P2RY8: variants seen among roughly 807,000 people sequenced by gnomAD.
P2RY8 encodes the protein S-geranylgeranyl-glutathione receptor P2RY8.
P2RY8 carries 6 observed loss-of-function variants against 10.0 expected under a neutral mutation model. The observed-to-expected ratio is 0.60, with a 90% CI of 0.33 to 1.19. The LOEUF (loss-of-function observed/expected upper bound fraction) is 1.19, where lower values mean the gene tolerates loss of function less well. P2RY8 is among the 50% of genes most tolerant of loss of function. The pLI is 0.04. For missense variants in P2RY8, 456 were observed against 542.0 expected (o/e 0.84, Z 1.58); for synonymous variants, 276 against 252.5 (o/e 1.09, Z -0.88).
chrX:1,520,492 AT>A (rs2092383230), intron 1 of P2RY8, among the ~76,000 whole-genome samples: 1 of 142,884 alleles, frequency 7.0e-6, no homozygotes, highest in Non-Finnish European at 1.5e-5. Flanking sequence ...AATCTCCCTG[AT>A]CCCCAATATT....
intron 1 of P2RY8, among the ~76,000 whole-genome samples, chrX:1,500,019 C>G (rs185491614): frequency 1.0e-5 from 1 of 98,438 alleles, no homozygotes; most frequent in Non-Finnish European, 2.5e-5. Flanking sequence ...CCACCATGCC[C>G]AGCTAATTTT....
At chrX:1,535,033 G>A (rs117366366) in intron 1 of P2RY8, among the ~76,000 whole-genome samples, 5,118 of 151,974 alleles carry the variant, frequency 0.034, 278 homozygotes, top group African/African-American at 0.12. Context: ...TCCCATGCAC[G>A]CCTCTCTCAG....
At chrX:1,481,880 C>T (rs2091939222) in intron 1 of P2RY8, among the ~76,000 whole-genome samples, 1 of 152,158 alleles carries the variant, frequency 6.6e-6, no homozygotes, top group African/African-American at 2.4e-5. Flanking sequence ...AGCACAAAAA[C>T]GCGTAGGAAA....
rs182445612 is a variant in P2RY8, at chrX:1,463,233, C to A, written c.*2246G>T. The A allele has an allele frequency of 4.3e-6, 1 of 233,248 alleles. No individual in the cohort carries two copies. The highest frequency in any genetic ancestry group is 8.5e-6 in the Non-Finnish European group (1 of 118,018). 14.4% of individuals were successfully genotyped at this position (233,248 alleles called of 1,614,324 possible). On this transcript the variant is annotated 3_prime_UTR_variant, in exon 2 of 2. Coordinates refer to ENST00000381297, the MANE Select transcript of P2RY8 (RefSeq NM_178129.5). Reference sequence around the variant, plus strand: ...TCAGCACTTGCGACCTGTACTCCTGCAGCCTGGATGCTTCTGTATCAGCTT... The same window carrying A: ...TCAGCACTTGCGACCTGTACTCCTGAAGCCTGGATGCTTCTGTATCAGCTT...
chrX:1,531,407 G>C lies in P2RY8; in HGVS notation c.-25+5514C>G, dbSNP rs192986867. Among the ~76,000 whole-genome samples the C allele has an allele frequency of 2.3e-3, 345 of 152,100 alleles. 3 individuals carry two copies. Among genetic ancestry groups the C allele is most frequent in the African/African-American group, 7.6e-3 (314 of 41,498 alleles). ...TCTTCCTGCATGCCCTCTCCATCAG[G>C]GGTCCCCCTGCTTACAGGGTCCCCC... On this transcript the variant is annotated intron_variant, in intron 1 of 1. Transcript: ENST00000381297.
chrX:1,477,271 C>CCATCTAT lies in P2RY8; in HGVS notation c.-24-10696_-24-10690dup, dbSNP rs1229187422. On this transcript the variant is annotated intron_variant, in intron 1 of 1. Transcript: ENST00000381297. Reference sequence around the variant, plus strand: ...CATTTGTTGATCTAACCCCTGTCATCCATCTATCATCTATCATCTATCTAT... The same window carrying CCATCTAT: ...CATTTGTTGATCTAACCCCTGTCATCCATCTATCATCTATCATCTATCATCTATCTAT... 4.1e-5 allele frequency among the ~76,000 whole-genome samples: 5 copies of CCATCTAT among 122,262 alleles called. No homozygotes were observed. The East Asian group carries it at 1.1e-3, about 28-fold the overall frequency. The allele number at this position is 122,262 out of a possible 152,430, so 80.2% of individuals were successfully genotyped here.
Position 1,498,393 on chromosome X carries a change from G to A in P2RY8, c.-24-31811C>T, listed in dbSNP as rs748874455. Among the ~76,000 whole-genome samples the A allele has an allele frequency of 7.3e-3, 890 of 121,828 alleles. 11 individuals are homozygous for A. Among genetic ancestry groups the A allele is most frequent in the African/African-American group, 0.025 (856 of 33,760 alleles). 79.9% of individuals were successfully genotyped at this position (121,828 alleles called of 152,430 possible). A position where few individuals can be genotyped will look rare whatever the true frequency, so the allele number is the denominator to read the frequency against. On this transcript the variant is annotated intron_variant, in intron 1 of 1. Transcript: ENST00000381297. ...TGCACTCCAGCCTGGGCGACAGAGC[G>A]AGACTCTGTCTCAAAAAAAAAAAAA... is the stretch of plus-strand genomic sequence containing the variant.
At chrX:1,487,598 C>T (rs1426943402) in intron 1 of P2RY8, among the ~76,000 whole-genome samples, 1 of 152,110 alleles carries the variant, frequency 6.6e-6, no homozygotes, top group Non-Finnish European at 1.5e-5. Context: ...GCCTCTGAGC[C>T]TGAACTCTGC....
chrX:1,535,335 C>G (rs1340590750), intron 1 of P2RY8, among the ~76,000 whole-genome samples: 1 of 151,278 alleles, frequency 6.6e-6, no homozygotes, highest in Non-Finnish European at 1.5e-5. Flanking sequence ...TGACAGGTGC[C>G]CGCCGCCACA....
chrX:1,518,653 C>T (rs1205220979), intron 1 of P2RY8, among the ~76,000 whole-genome samples: 3 of 151,648 alleles, frequency 2.0e-5, no homozygotes, highest in Admixed American at 6.6e-5. Flanking sequence ...TCTTGTTTGT[C>T]CCCAATCTTC....
At chrX:1,527,345 C>A (rs774107598) in intron 1 of P2RY8, among the ~76,000 whole-genome samples, 6 of 151,922 alleles carry the variant, frequency 3.9e-5, no homozygotes, top group Admixed American at 6.6e-5. Flanking sequence ...TCCGTTTATC[C>A]ATCCACTTAT....
Position 1,465,328 on chromosome X carries a change from G to A in P2RY8, c.*151C>T. On this transcript the variant is annotated 3_prime_UTR_variant, in exon 2 of 2. Transcript: ENST00000381297. ...CCGGTGCCTCTGCAGTGCCTGGGAG[G>A]AATAAAGCCTGGAGACCCTTCCCCA... 5.4e-6 allele frequency: 7 copies of A among 1,290,834 alleles called. No homozygotes were observed. Among genetic ancestry groups the A allele is most frequent in the East Asian group, 2.4e-5 (1 of 41,402 alleles). 80.0% of individuals were successfully genotyped at this position (1,290,834 alleles called of 1,614,324 possible). A position where few individuals can be genotyped will look rare whatever the true frequency, so the allele number is the denominator to read the frequency against.
In P2RY8 at chrX:1,466,409, C is replaced by T. The variant is rs762663107; in HGVS notation, c.150G>A (p.Arg50=). The change falls in exon 2 of 2, where the codon CGG becomes CGA. Residue 50 remains arginine, a synonymous_variant. Coordinates refer to ENST00000381297, the MANE Select transcript of P2RY8 (RefSeq NM_178129.5). ...GNLFSLWVLC[R]RMGPRSPSVI... The stretch of plus-strand genomic sequence containing the variant: ...CCGACGGGGATCTGGGCCCCATGCG[C>T]CGGCACAGCACCCACAGAGAGAAGA... 1 of 1,613,432 alleles carries T rather than the reference C, an allele frequency of 6.2e-7. No homozygotes were observed. The highest frequency in any genetic ancestry group is 8.5e-7 in the Non-Finnish European group (1 of 1,179,852).
intron 1 of P2RY8, among the ~76,000 whole-genome samples, chrX:1,482,980 T>A (rs1253366626): frequency 1.3e-5 from 2 of 151,866 alleles, no homozygotes; most frequent in African/African-American, 2.4e-5. Flanking sequence ...CATTAGGAGA[T>A]ATACCTAATG....
intron 1 of P2RY8, among the ~76,000 whole-genome samples, chrX:1,493,429 AGGGAGGGAAGG>A (rs772231166): frequency 0.44 from 17,601 of 39,618 alleles, 2,872 homozygotes; most frequent in East Asian, 0.68. Context: ...AGGAAGGAGG[AGGGAGGGAAGG>A]AGGAGGAAGG....
chrX:1,497,566 G>A (rs1198377877), intron 1 of P2RY8, among the ~76,000 whole-genome samples: 2 of 152,046 alleles, frequency 1.3e-5, no homozygotes, highest in African/African-American at 4.8e-5. Flanking sequence ...GCCGAGGCAG[G>A]AGAATCGCTT....
At chrX:1,503,150 C>G (rs113975973) in intron 1 of P2RY8, among the ~76,000 whole-genome samples, 2 of 138,628 alleles carry the variant, frequency 1.4e-5, no homozygotes, top group African/African-American at 5.3e-5. Context: ...GGAGACAGAG[C>G]CTGGAATGAC....
At chrX:1,505,987 C>CTTTTTTTTTTTTTTT (rs542485545) in intron 1 of P2RY8, among the ~76,000 whole-genome samples, 2 of 108,840 alleles carry the variant, frequency 1.8e-5, no homozygotes, top group Non-Finnish European at 3.6e-5. Context: ...TTTCTTTCTT[C>CTTTTTTTTTTTTTTT]TTTTTTTTTT....
intron 1 of P2RY8, among the ~76,000 whole-genome samples, chrX:1,476,008 C>T (rs1212773002): frequency 6.6e-6 from 1 of 152,198 alleles, no homozygotes; most frequent in African/African-American, 2.4e-5. Flanking sequence ...CATCTCCCTG[C>T]AGGGGCCAAG....
Sources: gnomAD v4.1 joint callset for allele counts (sites outside exome capture counted in the v4.1 genomes callset) on GRCh38, gnomAD v4.1.1 for gene constraint, MANE v1.5 for transcripts, NCBI Gene and HGNC (gene_info 2026-07-23, HGNC 2026-07-21) for gene names.